The following SLC9C1 variants were observed in gnomAD, a reference collection of about 807,000 sequenced individuals.
SLC9C1 encodes the protein sodium/hydrogen exchanger 10.
SLC9C1 carries 97 observed loss-of-function variants against 140.9 expected under a neutral mutation model. The ratio of observed to expected loss-of-function variants is 0.69; its 90% CI spans 0.58 to 0.82. The LOEUF (loss-of-function observed/expected upper bound fraction) is 0.82. Ranked by LOEUF, SLC9C1 falls within the 40% of genes least tolerant of loss-of-function variation. The probability of loss-of-function intolerance (pLI) is 0.00; values close to 1 mark genes in which losing one functional copy is unlikely to be tolerated. For synonymous variants in SLC9C1, 440 were observed against 442.6 expected, an observed-to-expected ratio of 0.99 and a Z score of 0.07; for missense variants, 1,340 against 1,389.3, an observed-to-expected ratio of 0.96 and a Z score of 0.56.
At position 112,218,174 on chromosome 3, in the gene SLC9C1, G is replaced by GTT. The variant is rs61498352; in HGVS notation, c.1671-615_1671-614dup. Among the ~76,000 whole-genome samples, 75 of 143,376 alleles carry GTT rather than the reference G, an allele frequency of 5.2e-4. 1 individual carries two copies. The highest frequency in any genetic ancestry group is 1.1e-3 in the Admixed American group (16 of 14,472). 94.1% of individuals were successfully genotyped at this position (143,376 alleles called of 152,430 possible). On this transcript the variant is annotated intron_variant, in intron 14 of 28. Coordinates refer to ENST00000305815, the MANE Select transcript of SLC9C1 (RefSeq NM_183061.3). ...CAAGTTTTCTGTAGCTTTCTGCTAG[G>GTT]TTTTTTTTTTTTTTTTTAATTGAGA... is the stretch of plus-strand genomic sequence containing the variant.
At chr3:112,200,651 G>T in intron 19 of SLC9C1, 60 bp downstream of exon 19, 1 of 1,472,568 alleles carries the variant, frequency 6.8e-7, no homozygotes, top group Non-Finnish European at 9.4e-7. Context: ...GAAAACCATT[G>T]CCTTTCTGAA....
intron 12 of SLC9C1, among the ~76,000 whole-genome samples, chr3:112,233,713 G>A (rs1406083289): frequency 1.4e-5 from 2 of 148,074 alleles, no homozygotes; most frequent in Non-Finnish European, 3.0e-5. Context: ...TCCCACCTAT[G>A]AGTGAGAACA....
At chr3:112,160,732 G>C (rs376566740) in intron 26 of SLC9C1, among the ~76,000 whole-genome samples, 1 of 150,968 alleles carries the variant, frequency 6.6e-6, no homozygotes, top group South Asian at 2.1e-4. Flanking sequence ...ATAAACATAC[G>C]TGTGCATGTG....
chr3:112,219,984 T>C (rs2078495653), intron 14 of SLC9C1, among the ~76,000 whole-genome samples: 1 of 152,216 alleles, frequency 6.6e-6, no homozygotes, highest in African/African-American at 2.4e-5. Context: ...CTTTAAAATA[T>C]GCACGGTATT....
At position 112,261,981 on chromosome 3, in the gene SLC9C1, C is replaced by T. The variant is rs952664851; in HGVS notation, c.1197+943G>A. ...TACTACAAATTAGGACTTCCTCTCA[C>T]CTCAACACTTAAGTTACTTGTTAAA... On this transcript the variant is annotated intron_variant, in intron 10 of 28. Coordinates refer to ENST00000305815, the MANE Select transcript of SLC9C1 (RefSeq NM_183061.3). Among the ~76,000 whole-genome samples, 8 of 152,162 alleles carry T rather than the reference C, an allele frequency of 5.3e-5. No homozygotes were observed. In the East Asian group the frequency reaches 5.8e-4, roughly 11 times the overall value.
At chr3:112,275,055 T>A (rs201906198) in intron 5 of SLC9C1, 30 bp from the exon 6 acceptor site, 177 of 1,533,416 alleles carry the variant, frequency 1.2e-4, no homozygotes, top group Middle Eastern at 9.0e-4. Context: ...AAGATGTTTT[T>A]TAAAGTGAGA....
intron 23 of SLC9C1, among the ~76,000 whole-genome samples, chr3:112,175,953 G>A (rs1346716348): frequency 3.9e-5 from 6 of 152,280 alleles, no homozygotes; most frequent in African/African-American, 1.2e-4. Flanking sequence ...CGGTCCTGCA[G>A]ACCATCATTG....
At chr3:112,151,413 T>G (rs1201230337) in intron 28 of SLC9C1, 1 of 518,998 alleles carries the variant, frequency 1.9e-6, no homozygotes, top group Non-Finnish European at 3.8e-6. Context: ...TTGAATTCCT[T>G]TAACTTCAGC....
chr3:112,182,322 A>T, intron 20 of SLC9C1, 64 bp from the exon 21 acceptor site: 1 of 1,505,384 alleles, frequency 6.6e-7, no homozygotes, highest in Non-Finnish European at 8.9e-7. Context: ...TTTAAGGCAG[A>T]CAGGTCTTTG....
chr3:112,189,204 C>A (rs1338015594), intron 20 of SLC9C1, among the ~76,000 whole-genome samples: 2 of 152,148 alleles, frequency 1.3e-5, no homozygotes, highest in Non-Finnish European at 2.9e-5. Flanking sequence ...ATGGTAGTTT[C>A]TTTTGCTGTG....
At chr3:112,208,784 T>C (rs933734082) in intron 15 of SLC9C1, among the ~76,000 whole-genome samples, 15 of 152,182 alleles carry the variant, frequency 9.9e-5, no homozygotes, top group African/African-American at 3.4e-4. Context: ...TTTATGTTTA[T>C]AAAATGATTA....
chr3:112,191,542 C>A (rs960703664), intron 20 of SLC9C1, among the ~76,000 whole-genome samples: 2 of 152,068 alleles, frequency 1.3e-5, no homozygotes, highest in Non-Finnish European at 2.9e-5. Flanking sequence ...AAATAAATCC[C>A]ACTTTACCAA....
chr3:112,142,563 T>C (rs1033048385), intron 28 of SLC9C1, among the ~76,000 whole-genome samples: 1 of 152,200 alleles, frequency 6.6e-6, no homozygotes, highest in African/African-American at 2.4e-5. Context: ...CAGCACCTCC[T>C]TGTATTTCCT....
chr3:112,233,078 T>A (rs866785314), intron 12 of SLC9C1, among the ~76,000 whole-genome samples: 43 of 100,366 alleles, frequency 4.3e-4, no homozygotes, highest in African/African-American at 1.0e-3. Flanking sequence ...TTATATTTTT[T>A]TTTTTTTTAA....
At chr3:112,171,797 A>G (rs1048664660) in intron 23 of SLC9C1, among the ~76,000 whole-genome samples, 1 of 152,192 alleles carries the variant, frequency 6.6e-6, no homozygotes, top group Non-Finnish European at 1.5e-5. Flanking sequence ...GGCCTAGTAC[A>G]TGGGGATCAA....
At chr3:112,165,922 T>A (rs909089538) in intron 26 of SLC9C1, among the ~76,000 whole-genome samples, 1 of 152,224 alleles carries the variant, frequency 6.6e-6, no homozygotes, top group Non-Finnish European at 1.5e-5. Context: ...CTCCACCCAG[T>A]TCGATCTTCC....
At chr3:112,273,152 C>T (rs2080121458) in intron 6 of SLC9C1, among the ~76,000 whole-genome samples, 1 of 151,930 alleles carries the variant, frequency 6.6e-6, no homozygotes, top group Non-Finnish European at 1.5e-5. Context: ...AAGGGTGGCC[C>T]TTGAGTTTTT....
At chr3:112,146,140 G>T (rs1388274877) in intron 28 of SLC9C1, among the ~76,000 whole-genome samples, 1 of 151,412 alleles carries the variant, frequency 6.6e-6, no homozygotes, top group Non-Finnish European at 1.5e-5. Context: ...AGGATCTTTT[G>T]TATTTCTGTG....
intron 10 of SLC9C1, among the ~76,000 whole-genome samples, chr3:112,258,909 G>A (rs998840875): frequency 1.3e-5 from 2 of 152,000 alleles, no homozygotes; most frequent in African/African-American, 4.8e-5. Context: ...TGGCAGAGCA[G>A]GAGAGAGAGG....
Sources: gnomAD v4.1 joint callset for allele counts (sites outside exome capture counted in the v4.1 genomes callset) on GRCh38, gnomAD v4.1.1 for gene constraint, MANE v1.5 for transcripts, NCBI Gene and HGNC (gene_info 2026-07-23, HGNC 2026-07-21) for gene names.